The following TMEM255B variants were observed in gnomAD, a reference collection of about 807,000 sequenced individuals.
TMEM255B encodes the protein transmembrane protein 255B.
TMEM255B carries 35 observed loss-of-function variants against 34.5 expected under a neutral mutation model. The observed-to-expected ratio is 1.01, with a 90% CI of 0.77 to 1.34. The LOEUF (loss-of-function observed/expected upper bound fraction) is 1.34. Among genes scored for constraint, TMEM255B ranks in the 40% most tolerant of loss-of-function variants. TMEM255B has a pLI of 0.00. For missense variants in TMEM255B, 432 were observed against 433.2 expected, an observed-to-expected ratio of 1.00 and a Z score of 0.02; for synonymous variants, 206 against 201.2, an observed-to-expected ratio of 1.02 and a Z score of -0.20.
chr13:113,776,010 C>T (rs2050571229), intron 3 of TMEM255B, among the ~76,000 whole-genome samples: 1 of 152,190 alleles, frequency 6.6e-6, no homozygotes, highest in South Asian at 2.1e-4. Context: ...CTGAGTCTTC[C>T]GGGCCGCCCC....
At chr13:113,777,818 C>T (rs748471147) in intron 3 of TMEM255B, among the ~76,000 whole-genome samples, 1 of 152,228 alleles carries the variant, frequency 6.6e-6, no homozygotes, top group Non-Finnish European at 1.5e-5. Flanking sequence ...CAGAGCCTTC[C>T]TGGGTGGGTG....
At chr13:113,808,505 C>A (rs183096199) in intron 8 of TMEM255B, among the ~76,000 whole-genome samples, 362 of 147,008 alleles carry the variant, frequency 2.5e-3, no homozygotes, top group Non-Finnish European at 4.3e-3. Flanking sequence ...TGGTTCCTGG[C>A]GGTTTACTCC....
intron 7 of TMEM255B, among the ~76,000 whole-genome samples, chr13:113,804,256 A>G (rs1172169742): frequency 6.6e-6 from 1 of 152,174 alleles, no homozygotes; most frequent in African/African-American, 2.4e-5. Context: ...TGAGTCAGTG[A>G]AAGTGTGGAC....
Position 113,813,819 on chromosome 13 carries a change from G to C in TMEM255B, c.*1916G>C, listed in dbSNP as rs1239121139. On this transcript the variant is annotated 3_prime_UTR_variant, in exon 9 of 9. Transcript: ENST00000375353. ...ACAAGCTTGCTGTCCAGGAGAATGT[G>C]GTCTTGGCCTCTCAGGGCTGACTGG... 1 of 152,226 alleles carries C rather than the reference G, an allele frequency of 6.6e-6. No homozygotes were observed. Among genetic ancestry groups the C allele is most frequent in the Non-Finnish European group, 1.5e-5 (1 of 68,062 alleles). The allele number at this position is 152,226 out of a possible 1,614,324, so 9.4% of individuals were successfully genotyped here. A position where few individuals can be genotyped will look rare whatever the true frequency, so the allele number is the denominator to read the frequency against.
At chr13:113,786,340 CATCACT>C (rs2050740556) in intron 3 of TMEM255B, among the ~76,000 whole-genome samples, 1 of 152,092 alleles carries the variant, frequency 6.6e-6, no homozygotes, top group Non-Finnish European at 1.5e-5. Context: ...TCCCCATCAC[CATCACT>C]GTCGTCACTG....
intron 3 of TMEM255B, among the ~76,000 whole-genome samples, chr13:113,774,740 ACACACACTACACACAC>A (rs2050538589): frequency 7.3e-6 from 1 of 136,700 alleles, no homozygotes; most frequent in Non-Finnish European, 1.6e-5. Flanking sequence ...ACACGACACC[ACACACACTACACACAC>A]CACACACCAC....
At chr13:113,777,030 G>A (rs906309408) in intron 3 of TMEM255B, among the ~76,000 whole-genome samples, 1 of 152,022 alleles carries the variant, frequency 6.6e-6, no homozygotes, top group Admixed American at 6.6e-5. Flanking sequence ...TATTTTTGCT[G>A]CCACAGAAGC....
At chr13:113,791,145 C>G (rs1363212899) in intron 3 of TMEM255B, among the ~76,000 whole-genome samples, 1 of 152,192 alleles carries the variant, frequency 6.6e-6, no homozygotes, top group African/African-American at 2.4e-5. Flanking sequence ...CGGTCTGGGC[C>G]TGTGTCCTGC....
At chr13:113,761,487 C>G in intron 1 of TMEM255B, 2 of 493,798 alleles carry the variant, frequency 4.1e-6, no homozygotes, top group South Asian at 1.7e-4. Flanking sequence ...CTGAGATATC[C>G]TAGATGGGCT....
At chr13:113,774,120 C>A (rs555503241) in intron 3 of TMEM255B, among the ~76,000 whole-genome samples, 1 of 151,688 alleles carries the variant, frequency 6.6e-6, no homozygotes, top group Non-Finnish European at 1.5e-5. Flanking sequence ...CCTGTTCACC[C>A]CCCGCCTGCT....
In TMEM255B at chr13:113,805,612, G is replaced by A. The variant is rs370077910; in HGVS notation, c.813+584G>A. On this transcript the variant is annotated intron_variant, in intron 8 of 8. Transcript: ENST00000375353. ...GCTGTGGCCATGGGTGAAACAGACC[G>A]GGCCACGTTTCTTACCTCGGCACTG... is the stretch of plus-strand genomic sequence containing the variant. 2.0e-5 allele frequency among the ~76,000 whole-genome samples: 3 copies of A among 152,296 alleles called. No individual in the cohort carries two copies. The East Asian group carries it at 5.8e-4, about 29-fold the overall frequency.
At position 113,811,910 on chromosome 13, in the gene TMEM255B, C is replaced by A; in HGVS notation, c.*7C>A. The A allele has an allele frequency of 6.4e-7, 1 of 1,570,248 alleles. No homozygotes were observed. The highest frequency in any genetic ancestry group is 8.6e-7 in the Non-Finnish European group (1 of 1,163,786). On this transcript the variant is annotated 3_prime_UTR_variant, in exon 9 of 9. Coordinates refer to ENST00000375353, the MANE Select transcript of TMEM255B (RefSeq NM_182614.4). ...ACCCCCCTACGCACCCTGATAGAGG[C>A]GTGGAGTAAAAGATAACTTGTTTGT...
chr13:113,810,117 C>T (rs927786355), intron 8 of TMEM255B, among the ~76,000 whole-genome samples: 1 of 152,150 alleles, frequency 6.6e-6, no homozygotes, highest in Non-Finnish European at 1.5e-5. Flanking sequence ...GTGCAGAGCT[C>T]TCCAGGGAGA....
rs1486595327 is a variant in TMEM255B, at chr13:113,814,057, G to C, written c.*2154G>C. On this transcript the variant is annotated 3_prime_UTR_variant, in exon 9 of 9. Transcript: ENST00000375353. ...TGCCACGGATTTCCCGAGTCCCCAG[G>C]GCTCTCACTTTACCTCAGGGAAGGC... The C allele has an allele frequency of 6.6e-6, 1 of 152,166 alleles. No homozygotes were observed. The highest frequency in any genetic ancestry group is 1.5e-5 in the Non-Finnish European group (1 of 68,034). The allele number at this position is 152,166 out of a possible 1,614,324, so 9.4% of individuals were successfully genotyped here.
chr13:113,781,338 T>G (rs2050663495), intron 3 of TMEM255B, among the ~76,000 whole-genome samples: 1 of 152,244 alleles, frequency 6.6e-6, no homozygotes, highest in Non-Finnish European at 1.5e-5. Flanking sequence ...ATTCACAACT[T>G]GCTTAAACCT....
Position 113,769,693 on chromosome 13 carries a change from TGGCTGTATGCGC to T in TMEM255B, c.252+537_252+548del, listed in dbSNP as rs139856011. On this transcript the variant is annotated intron_variant, in intron 3 of 8. Coordinates refer to ENST00000375353, the MANE Select transcript of TMEM255B (RefSeq NM_182614.4). This position sits in a 1 kb window ranked among gnomAD's most constrained non-coding sequence, Gnocchi z 4.2. Reference sequence around the variant, plus strand: ...AGACACTGCCTGTCCATGATGTTCGTGGCTGTATGCGCGGCAACAGCGATCAGGTTCAGCTGG... The same window carrying T: ...AGACACTGCCTGTCCATGATGTTCGTGGCAACAGCGATCAGGTTCAGCTGG... 30,687 of 158,452 alleles carry T rather than the reference TGGCTGTATGCGC, an allele frequency of 0.19. 3,652 individuals are homozygous for T. The highest frequency in any genetic ancestry group is 0.33 in the African/African-American group (13,572 of 41,540). The allele number at this position is 158,452 out of a possible 1,614,324, so 9.8% of individuals were successfully genotyped here. A position where few individuals can be genotyped will look rare whatever the true frequency, so the allele number is the denominator to read the frequency against.
At chr13:113,805,070 C>T in intron 8 of TMEM255B, 42 bp downstream of exon 8, 9 of 1,552,944 alleles carry the variant, frequency 5.8e-6, no homozygotes, top group Non-Finnish European at 7.8e-6. Flanking sequence ...GCGCTGGTCA[C>T]AGGCAGTGGG....
intron 3 of TMEM255B, among the ~76,000 whole-genome samples, chr13:113,792,025 G>A (rs2138558642): frequency 6.6e-6 from 1 of 152,382 alleles, no homozygotes; most frequent in Non-Finnish European, 1.5e-5. Flanking sequence ...AGGCCCCAGA[G>A]CTGGGGACGC....
rs1176630271 is a variant in TMEM255B, at chr13:113,816,175, C to T, written c.*4272C>T. 2 of 148,826 alleles carry T rather than the reference C, an allele frequency of 1.3e-5. No homozygotes were observed. Among genetic ancestry groups the T allele is most frequent in the Non-Finnish European group, 2.9e-5 (2 of 69,126 alleles). The allele number at this position is 148,826 out of a possible 1,614,324, so 9.2% of individuals were successfully genotyped here. On this transcript the variant is annotated 3_prime_UTR_variant, in exon 9 of 9. Coordinates refer to ENST00000375353, the MANE Select transcript of TMEM255B (RefSeq NM_182614.4). ...ACTGGTCAGGGACACGAGTTCTTTT[C>T]GGGGAGGCAAGCGTGTTTGCAGCGT...
Sources: gnomAD v4.1 joint callset for allele counts (sites outside exome capture counted in the v4.1 genomes callset) on GRCh38, gnomAD v4.1.1 for gene constraint, Gnocchi (gnomAD v3.1) non-coding constraint, MANE v1.5 for transcripts, NCBI Gene and HGNC (gene_info 2026-07-23, HGNC 2026-07-21) for gene names.